The following SKA3 variants were observed in gnomAD, a reference collection of about 807,000 sequenced individuals.
SKA3 encodes the protein spindle and kinetochore associated complex subunit 3, also known as spindle and kinetochore-associated protein 3.
A neutral mutation model predicts 44.2 loss-of-function variants in SKA3; 39 were observed. That is an observed-to-expected ratio of 0.88 (90% CI 0.68 to 1.15). SKA3 has a LOEUF of 1.15. Among genes scored for constraint, SKA3 ranks in the 50% most tolerant of loss-of-function variants. The probability of loss-of-function intolerance (pLI) is 0.00; values close to 1 mark genes in which losing one functional copy is unlikely to be tolerated. For synonymous variants in SKA3, 192 were observed against 172.0 expected (o/e 1.12, Z -0.91); for missense variants, 511 against 485.8 (o/e 1.05, Z -0.49).
chr13:21,164,258 G>A (rs956789575), intron 4 of SKA3, among the ~76,000 whole-genome samples: 1 of 152,158 alleles, frequency 6.6e-6, no homozygotes, highest in Non-Finnish European at 1.5e-5. Flanking sequence ...TTTAAAGTTT[G>A]TATGTGATTA....
chr13:21,173,949 C>T (rs546493263), intron 1 of SKA3, among the ~76,000 whole-genome samples: 1 of 152,262 alleles, frequency 6.6e-6, no homozygotes, highest in Admixed American at 6.5e-5. Context: ...TTTTACAGTT[C>T]ACACTCCCAC....
chr13:21,157,800 C>A, intron 7 of SKA3, 122 bp downstream of exon 7: 3 of 668,446 alleles, frequency 4.5e-6, no homozygotes, highest in South Asian at 2.3e-5. Flanking sequence ...TCTCTCATCA[C>A]CAAAATTAGC....
chr13:21,160,941 T>C (rs929612137), intron 5 of SKA3, among the ~76,000 whole-genome samples: 11 of 152,142 alleles, frequency 7.2e-5, no homozygotes, highest in African/African-American at 2.4e-4. Flanking sequence ...ATTGGCAACA[T>C]GGTGAAACCC....
At chr13:21,170,825 T>C (rs1053031370) in intron 3 of SKA3, among the ~76,000 whole-genome samples, 1 of 152,208 alleles carries the variant, frequency 6.6e-6, no homozygotes, top group Non-Finnish European at 1.5e-5. Flanking sequence ...GTGGAGCCCG[T>C]ATTTGAATCT....
intron 7 of SKA3, among the ~76,000 whole-genome samples, chr13:21,157,344 C>A (rs1023476868): frequency 6.6e-6 from 1 of 152,168 alleles, no homozygotes; most frequent in Admixed American, 6.5e-5. Flanking sequence ...AGATGGTATA[C>A]CCTACCACAC....
At chr13:21,172,594 A>G in intron 2 of SKA3, 26 bp downstream of exon 2, 1 of 1,427,744 alleles carries the variant, frequency 7.0e-7, no homozygotes, top group South Asian at 1.5e-5. Flanking sequence ...CAGAAAAATA[A>G]TAAATCAATA....
At chr13:21,164,793 T>A (rs1044238420) in intron 4 of SKA3, among the ~76,000 whole-genome samples, 5 of 152,102 alleles carry the variant, frequency 3.3e-5, no homozygotes, top group Non-Finnish European at 7.4e-5. Context: ...TTGCGCAGGC[T>A]GGTTTCAAAC....
rs1424795839 is a variant in SKA3 at position 21,158,051 on chromosome 13, C to T, written c.990G>A (p.Leu330=). ...CAAAGCATGTGTCTGAATTTAAAAC[C>T]AACGAAGTACGATCTTCAACTTCCA... ...NDLEVEDRTS[L]VLNSDTCFEN... is the part of the protein sequence containing the mutation. The change falls in exon 7 of 9, where the codon TTG becomes TTA. Residue 330 remains leucine (L), a synonymous_variant. Transcript: ENST00000314759. The T allele has an allele frequency of 6.2e-7, 1 of 1,613,192 alleles. No homozygotes were observed. The highest frequency in any genetic ancestry group is 1.1e-5 in the South Asian group (1 of 91,048).
chr13:21,174,515 GGTGGGAAT>G lies in SKA3; in HGVS notation c.104-1842_104-1835del, dbSNP rs1871313757. Among the ~76,000 whole-genome samples the G allele has an allele frequency of 2.0e-5, 3 of 152,012 alleles. No homozygotes were observed. In the South Asian group the frequency reaches 6.2e-4, roughly 32 times the overall value. ...CAAACACCGCATGTTCTCACTCATA[GGTGGGAAT>G]TGAACAATGAGAACACTTGGACACA... On this transcript the variant is annotated intron_variant, in intron 1 of 8. Coordinates refer to ENST00000314759, the MANE Select transcript of SKA3 (RefSeq NM_145061.6).
intron 2 of SKA3, 57 bp downstream of exon 2, chr13:21,172,563 G>T: frequency 1.3e-6 from 2 of 1,520,138 alleles, no homozygotes; most frequent in Non-Finnish European, 1.8e-6. Context: ...AATCTATTTA[G>T]GATAAAAAAA....
intron 6 of SKA3, among the ~76,000 whole-genome samples, chr13:21,159,436 ATG>A (rs914118548): frequency 6.6e-6 from 1 of 152,128 alleles, no homozygotes; most frequent in East Asian, 1.9e-4. Flanking sequence ...GTGTATATAT[ATG>A]TGTGTGTGTA....
chr13:21,169,794 G>A (rs539677509), intron 3 of SKA3, among the ~76,000 whole-genome samples: 1 of 152,090 alleles, frequency 6.6e-6, no homozygotes, highest in African/African-American at 2.4e-5. Flanking sequence ...GTGCCACCAT[G>A]CCCAGATAAT....
intron 7 of SKA3, 42 bp downstream of exon 7, chr13:21,157,880 G>C: frequency 1.1e-6 from 1 of 944,874 alleles, no homozygotes; most frequent in Non-Finnish European, 1.4e-6. Flanking sequence ...ATATTGAAAA[G>C]AATATCAGCA....
intron 5 of SKA3, among the ~76,000 whole-genome samples, chr13:21,160,732 T>A (rs776780265): frequency 6.6e-6 from 1 of 152,168 alleles, no homozygotes; most frequent in Admixed American, 6.5e-5. Flanking sequence ...CTCCTAGATA[T>A]GAGAAACACG....
chr13:21,174,286 A>G (rs570874274), intron 1 of SKA3, among the ~76,000 whole-genome samples: 1 of 152,336 alleles, frequency 6.6e-6, no homozygotes, highest in Non-Finnish European at 1.5e-5. Context: ...AGACACATGC[A>G]CACTTATGTT....
chr13:21,175,175 AC>A (rs1320319185), intron 1 of SKA3, among the ~76,000 whole-genome samples: 2 of 151,196 alleles, frequency 1.3e-5, no homozygotes, highest in African/African-American at 4.9e-5. Flanking sequence ...ACGAGGTTTC[AC>A]CACGTTGGCC....
intron 7 of SKA3, 84 bp downstream of exon 7, chr13:21,157,838 T>C: frequency 1.0e-6 from 1 of 974,786 alleles, no homozygotes; most frequent in Non-Finnish European, 1.5e-6. Flanking sequence ...AATAAGACAG[T>C]TTATATGCAG....
intron 3 of SKA3, among the ~76,000 whole-genome samples, chr13:21,171,849 T>C (rs2137381395): frequency 6.6e-6 from 1 of 152,308 alleles, no homozygotes; most frequent in South Asian, 2.1e-4. Flanking sequence ...CTCCAAATTC[T>C]AAACCACTAT....
chr13:21,159,774 C>A, intron 6 of SKA3, 128 bp downstream of exon 6: 1 of 576,872 alleles, frequency 1.7e-6, no homozygotes, highest in Non-Finnish European at 3.0e-6. Flanking sequence ...TCCAGAAATG[C>A]ACTGTAAATA....
Sources: gnomAD v4.1 joint callset for allele counts (sites outside exome capture counted in the v4.1 genomes callset) on GRCh38, gnomAD v4.1.1 for gene constraint, MANE v1.5 for transcripts, NCBI Gene and HGNC (gene_info 2026-07-23, HGNC 2026-07-21) for gene names.